The following CLASP1 variants were observed in gnomAD, a reference collection of about 807,000 sequenced individuals.
CLASP1 encodes CLIP-associating protein 1.
In CLASP1, 38 loss-of-function variants were observed where a neutral mutation model predicts 192.3. The ratio of observed to expected loss-of-function variants is 0.20; its 90% CI spans 0.15 to 0.26. The LOEUF is 0.26. Among genes scored for constraint, CLASP1 ranks in the 10% least tolerant of loss-of-function variants. The pLI is 1.00. For synonymous variants in CLASP1, 691 were observed against 712.8 expected, an observed-to-expected ratio of 0.97 and a Z score of 0.49; for missense variants, 1,433 against 1,932.5, an observed-to-expected ratio of 0.74 and a Z score of 4.85.
chr2:121,533,754 T>C (rs953609324), intron 2 of CLASP1, among the ~76,000 whole-genome samples: 1 of 152,172 alleles, frequency 6.6e-6, no homozygotes, highest in Admixed American at 6.5e-5. Context: ...TTTGTGCTTG[T>C]TTCCCCAGCT....
intron 2 of CLASP1, among the ~76,000 whole-genome samples, chr2:121,596,252 G>A (rs1333868473): frequency 6.6e-6 from 1 of 152,146 alleles, no homozygotes; most frequent in African/African-American, 2.4e-5. Flanking sequence ...TTATGACAGA[G>A]GCACCTGTCT....
At chr2:121,535,756 C>T (rs2095048818) in intron 2 of CLASP1, among the ~76,000 whole-genome samples, 1 of 151,764 alleles carries the variant, frequency 6.6e-6, no homozygotes, top group African/African-American at 2.4e-5. Context: ...TCAAGTGATC[C>T]TCCCGCCTCA....
chr2:121,509,851 T>C (rs373383404), intron 7 of CLASP1, among the ~76,000 whole-genome samples: 11 of 152,090 alleles, frequency 7.2e-5, no homozygotes, highest in East Asian at 3.9e-4. Flanking sequence ...AAAATGTTTT[T>C]AATTTAAAAA....
intron 26 of CLASP1, 34 bp from the exon 28 acceptor site, chr2:121,401,904 A>G (rs902577646): frequency 1.0e-5 from 7 of 685,770 alleles, no homozygotes; most frequent in African/African-American, 8.7e-5. Flanking sequence ...GAGGCCATGC[A>G]ACAAAACAAA....
chr2:121,403,401 C>A, intron 26 of CLASP1: 1 of 456,608 alleles, frequency 2.2e-6, no homozygotes, highest in Non-Finnish European at 4.4e-6. Flanking sequence ...ATTTCAAGGA[C>A]AATTCCTACG....
intron 34 of CLASP1, 103 bp from the exon 36 acceptor site, chr2:121,367,934 T>C: frequency 1.4e-6 from 2 of 1,462,588 alleles, no homozygotes; most frequent in South Asian, 1.3e-5. Context: ...ACTTGAAATA[T>C]GTATGGCCAG....
At chr2:121,355,344 G>T (rs2065201517) in intron 37 of CLASP1, among the ~76,000 whole-genome samples, 1 of 152,044 alleles carries the variant, frequency 6.6e-6, no homozygotes, top group African/African-American at 2.4e-5. Flanking sequence ...GGCCAGGCTG[G>T]TCTCAAACTC....
intron 19 of CLASP1, among the ~76,000 whole-genome samples, chr2:121,444,669 G>A (rs2083997861): frequency 6.6e-6 from 1 of 152,184 alleles, no homozygotes; most frequent in South Asian, 2.1e-4. Context: ...CTCCTCCCCA[G>A]AGTGTGGACT....
intron 1 of CLASP1, among the ~76,000 whole-genome samples, chr2:121,607,410 C>G (rs547242438): frequency 6.6e-6 from 1 of 152,256 alleles, no homozygotes; most frequent in East Asian, 1.9e-4. Flanking sequence ...GACAATAGCA[C>G]CATTTGGGCC....
Position 121,367,825 on chromosome 2 carries a change from G to C in CLASP1, c.3649C>G (p.Arg1217Gly). 3.1e-6 allele frequency: 5 copies of C among 1,612,996 alleles called. No homozygotes were observed. In the South Asian group the frequency reaches 5.5e-5, roughly 18 times the overall value. Residue 1217 changes from arginine (R) to glycine (G), a missense_variant, in exon 35 of 40, where the codon CGC becomes GGC. By Grantham distance (125) the Arg-to-Gly change is moderately radical. Around this residue, in one of 8 missense-constraint regions of CLASP1, gnomAD observed 336 missense variants for 358.0 expected, o/e 0.94. Coordinates refer to ENST00000263710, the Ensembl canonical transcript of CLASP1. ...GCAGGGGAGGCAGCGCCCCCATCGC[G>C]GGACACCTGCAGCACAGCACACTGT... is the stretch of plus-strand genomic sequence containing the variant.
At chr2:121,459,065 A>C in intron 12 of CLASP1, 90 bp from the exon 13 acceptor site, 2 of 949,008 alleles carry the variant, frequency 2.1e-6, no homozygotes, top group Non-Finnish European at 3.0e-6. Context: ...CCTTCATTTA[A>C]AGTTATCTAG....
chr2:121,599,356 G>A (rs1467146055), intron 2 of CLASP1, among the ~76,000 whole-genome samples: 21 of 150,322 alleles, frequency 1.4e-4, no homozygotes, highest in African/African-American at 4.4e-4. Context: ...TTGAGAGGCC[G>A]AGGCTGGTGG....
chr2:121,530,948 TGAACAACACACCC>T, intron 2 of CLASP1: 1 of 700,432 alleles, frequency 1.4e-6, no homozygotes, highest in Non-Finnish European at 2.6e-6. Flanking sequence ...TGCTAACGCC[TGAACAACACACCC>T]GCATCAACTA....
chr2:121,431,854 A>G (rs2081484494), intron 19 of CLASP1, among the ~76,000 whole-genome samples: 1 of 151,072 alleles, frequency 6.6e-6, no homozygotes, highest in Non-Finnish European at 1.5e-5. Context: ...ATATTTTTCT[A>G]AAGCTTACTA....
Position 121,530,896 on chromosome 2 carries a change from G to C in CLASP1, c.196-571C>G, listed in dbSNP as rs765906028. On this transcript the variant is annotated intron_variant, in intron 2 of 39. Coordinates refer to ENST00000263710, the Ensembl canonical transcript of CLASP1. ...TTCTATTATAACCATCCTTTTCTTG[G>C]GGTTGCGCTACTGTCCAATGAGCGC... 5.8e-6 allele frequency: 4 copies of C among 694,744 alleles called. No homozygotes were observed. Among genetic ancestry groups the C allele is most frequent in the Admixed American group, 2.0e-5 (1 of 49,808 alleles). 43.0% of individuals were successfully genotyped at this position (694,744 alleles called of 1,614,324 possible). A position where few individuals can be genotyped will look rare whatever the true frequency, so the allele number is the denominator to read the frequency against.
At chr2:121,485,816 T>G (rs1355197669) in intron 8 of CLASP1, among the ~76,000 whole-genome samples, 1 of 152,190 alleles carries the variant, frequency 6.6e-6, no homozygotes, top group Non-Finnish European at 1.5e-5. Context: ...CAAGGATGTT[T>G]GTAAATGCCC....
At chr2:121,541,920 T>G (rs1457023655) in intron 2 of CLASP1, among the ~76,000 whole-genome samples, 1 of 152,212 alleles carries the variant, frequency 6.6e-6, no homozygotes, top group Non-Finnish European at 1.5e-5. Flanking sequence ...AAGCGTGGCT[T>G]ACTGAGTTAA....
At chr2:121,352,931 A>C (rs1455065930) in intron 37 of CLASP1, among the ~76,000 whole-genome samples, 3 of 152,110 alleles carry the variant, frequency 2.0e-5, no homozygotes, top group African/African-American at 7.2e-5. Context: ...GGGATTACAG[A>C]GCCACTGCGA....
At chr2:121,628,693 T>C (rs111342298) in intron 1 of CLASP1, among the ~76,000 whole-genome samples, 1 of 149,566 alleles carries the variant, frequency 6.7e-6, no homozygotes, top group African/African-American at 2.5e-5. Flanking sequence ...AAAAAAAGAA[T>C]GTAATTGAAT....
Sources: gnomAD v4.1 joint callset for allele counts (sites outside exome capture counted in the v4.1 genomes callset) on GRCh38, gnomAD v4.1.1 for gene constraint, gnomAD v4.1.1 regional missense constraint, MANE v1.5 for transcripts, NCBI Gene and HGNC (gene_info 2026-07-23, HGNC 2026-07-21) for gene names.